The following WWP1 variants were observed in gnomAD, a reference collection of about 807,000 sequenced individuals.
WWP1 encodes the protein NEDD4-like E3 ubiquitin-protein ligase WWP1.
A neutral mutation model predicts 130.6 loss-of-function variants in WWP1; 49 were observed. The ratio of observed to expected loss-of-function variants is 0.38; its 90% CI spans 0.30 to 0.48. The LOEUF (loss-of-function observed/expected upper bound fraction) is 0.48, where lower values mean the gene tolerates loss of function less well. Ranked by LOEUF, WWP1 falls within the 20% of genes least tolerant of loss-of-function variation. The pLI is 0.99. For synonymous variants in WWP1, 332 were observed against 367.8 expected, an observed-to-expected ratio of 0.90 and a Z score of 1.11; for missense variants, 809 against 1,100.6, an observed-to-expected ratio of 0.74 and a Z score of 3.75.
chr8:86,399,625 G>T (rs1807860065), intron 7 of WWP1, among the ~76,000 whole-genome samples: 1 of 152,062 alleles, frequency 6.6e-6, no homozygotes, highest in South Asian at 2.1e-4. Flanking sequence ...TGTATATTTG[G>T]CTTAAGTACA....
At chr8:86,443,686 G>A (rs566337764) in intron 18 of WWP1, among the ~76,000 whole-genome samples, 3 of 152,122 alleles carry the variant, frequency 2.0e-5, no homozygotes, top group African/African-American at 4.8e-5. Flanking sequence ...AGGAAAGAGT[G>A]TGTTGCTTTT....
chr8:86,434,333 C>T (rs1447048868), intron 14 of WWP1, among the ~76,000 whole-genome samples: 3 of 152,214 alleles, frequency 2.0e-5, no homozygotes, highest in Non-Finnish European at 4.4e-5. Context: ...CGCTCCTCCT[C>T]ATTCACCGTG....
At chr8:86,434,017 A>G (rs1322067929) in intron 14 of WWP1, among the ~76,000 whole-genome samples, 2 of 152,076 alleles carry the variant, frequency 1.3e-5, no homozygotes, top group African/African-American at 4.8e-5. Flanking sequence ...TTCAAAACAT[A>G]TCTAGAATCC....
Position 86,374,022 on chromosome 8 carries a change from T to C in WWP1, c.-21-8T>C, listed in dbSNP as rs769890976. On this transcript the variant is annotated splice_region_variant and splice_polypyrimidine_tract_variant and intron_variant, in intron 2 of 24. Coordinates refer to ENST00000517970, the MANE Select transcript of WWP1 (RefSeq NM_007013.4). ...AACACATGAATAAATTCCCCTTTTT[T>C]AAAATAGGTTTTAGCTGAATTTTGG... The C allele has an allele frequency of 6.3e-7, 1 of 1,584,688 alleles. No individual in the cohort carries two copies. Among genetic ancestry groups the C allele is most frequent in the Non-Finnish European group, 8.5e-7 (1 of 1,169,652 alleles).
chr8:86,380,337 C>T (rs1824912369), intron 3 of WWP1, among the ~76,000 whole-genome samples: 1 of 151,618 alleles, frequency 6.6e-6, no homozygotes, highest in Non-Finnish European at 1.5e-5. Context: ...TAGTGGCTGC[C>T]TAGGGATGGG....
chr8:86,435,368 C>CTT (rs1810234461), intron 14 of WWP1, 84 bp from the exon 15 acceptor site: 1 of 1,424,320 alleles, frequency 7.0e-7, no homozygotes, highest in Admixed American at 1.9e-5. Context: ...TTTTGTTGGA[C>CTT]TTTAGTACAC....
At position 86,402,178 on chromosome 8, in the gene WWP1, C is replaced by T. The variant is rs561419200; in HGVS notation, c.699C>T (p.Leu233=). The T allele has an allele frequency of 2.0e-5, 32 of 1,613,410 alleles. No individual in the cohort carries two copies. The South Asian group carries it at 3.1e-4, about 16-fold the overall frequency. The part of the protein sequence containing the change: ...RPKNTPAPKP[L]ASEPADDTVN... ...AAAATACACCAGCTCCAAAACCACT[C>T]GCATCTGAGCCTGCCGATGACACTG... The change falls in exon 8 of 25, where the codon CTC becomes CTT. Residue 233 remains leucine (L), a synonymous_variant. Transcript: ENST00000517970.
chr8:86,364,827 GAA>G (rs10595031), intron 1 of WWP1, among the ~76,000 whole-genome samples: 3,646 of 122,332 alleles, frequency 0.03, 46 homozygotes, highest in Middle Eastern at 0.039. Context: ...AAGAAAGAAA[GAA>G]AGAAAGAGAG....
intron 21 of WWP1, among the ~76,000 whole-genome samples, chr8:86,455,732 C>T (rs1443635512): frequency 5.3e-5 from 8 of 151,940 alleles, no homozygotes; most frequent in African/African-American, 1.7e-4. Flanking sequence ...AGAGATTGAA[C>T]ATCTCAGCAG....
intron 18 of WWP1, 148 bp from the exon 19 acceptor site, chr8:86,448,000 T>C (rs1183449157): frequency 1.5e-6 from 1 of 645,914 alleles, no homozygotes; most frequent in African/African-American, 1.9e-5. Context: ...TAGCATTTTA[T>C]ATAATATTTT....
chr8:86,394,721 C>T (rs985347981), intron 5 of WWP1, among the ~76,000 whole-genome samples: 2 of 152,062 alleles, frequency 1.3e-5, no homozygotes, highest in African/African-American at 2.4e-5. Flanking sequence ...CCCTCTGACA[C>T]ACACATATAC....
intron 9 of WWP1, among the ~76,000 whole-genome samples, chr8:86,420,431 G>A (rs1745652766): frequency 6.6e-6 from 1 of 152,116 alleles, no homozygotes; most frequent in South Asian, 2.1e-4. Flanking sequence ...TCTGTGGGGA[G>A]AGTTTACATA....
At chr8:86,461,170 A>T in intron 22 of WWP1, 54 bp from the exon 23 acceptor site, 4 of 1,464,544 alleles carry the variant, frequency 2.7e-6, no homozygotes, top group Non-Finnish European at 3.8e-6. Flanking sequence ...TACTACTTTC[A>T]TGATTGAAGA....
intron 21 of WWP1, among the ~76,000 whole-genome samples, chr8:86,456,028 C>T (rs11994508): frequency 0.15 from 22,348 of 151,898 alleles, 1,797 homozygotes; most frequent in Non-Finnish European, 0.19. Flanking sequence ...ATCTTTTCAA[C>T]AAATGATGTT....
chr8:86,396,624 C>T (rs749238272), intron 5 of WWP1, among the ~76,000 whole-genome samples: 4 of 147,406 alleles, frequency 2.7e-5, no homozygotes, highest in Non-Finnish European at 4.4e-5. Flanking sequence ...GACAGGGTCT[C>T]GCTCTATTAC....
intron 1 of WWP1, among the ~76,000 whole-genome samples, chr8:86,356,845 T>C (rs1167849490): frequency 6.6e-6 from 1 of 152,316 alleles, no homozygotes; most frequent in East Asian, 1.9e-4. Context: ...CTTTTTATGG[T>C]GCAACATCAC....
At chr8:86,391,498 T>C (rs1355337492) in intron 5 of WWP1, among the ~76,000 whole-genome samples, 1 of 143,606 alleles carries the variant, frequency 7.0e-6, no homozygotes, top group Non-Finnish European at 1.6e-5. Flanking sequence ...TCACTATTTC[T>C]TAAACTACAT....
At chr8:86,357,913 G>C (rs1406489943) in intron 1 of WWP1, among the ~76,000 whole-genome samples, 1 of 152,112 alleles carries the variant, frequency 6.6e-6, no homozygotes, top group Non-Finnish European at 1.5e-5. Context: ...GGGCTTTCAC[G>C]GCTTGGTGTT....
At chr8:86,460,789 T>C (rs1047271855) in intron 22 of WWP1, among the ~76,000 whole-genome samples, 1 of 111,716 alleles carries the variant, frequency 9.0e-6, no homozygotes, top group Non-Finnish European at 1.8e-5. Context: ...TTTTAGCACA[T>C]CTTTTTTTTT....
Sources: gnomAD v4.1 joint callset for allele counts (sites outside exome capture counted in the v4.1 genomes callset) on GRCh38, gnomAD v4.1.1 for gene constraint, MANE v1.5 for transcripts, NCBI Gene and HGNC (gene_info 2026-07-23, HGNC 2026-07-21) for gene names.